Variants in SMCHD1 observed in about 807,000 individuals in gnomAD.
SMCHD1 encodes the protein structural maintenance of chromosomes flexible hinge domain-containing protein 1.
In SMCHD1, 78 loss-of-function variants were observed where a neutral mutation model predicts 254.7. The observed-to-expected ratio is 0.31, with a 90% CI of 0.26 to 0.37. The LOEUF is 0.37. Among genes scored for constraint, SMCHD1 ranks in the 10% least tolerant of loss-of-function variants. The pLI is 1.00. For synonymous variants in SMCHD1, 766 were observed against 794.9 expected, an observed-to-expected ratio of 0.96 and a Z score of 0.61; for missense variants, 1,840 against 2,408.1, an observed-to-expected ratio of 0.76 and a Z score of 4.94.
rs753343881 is a variant in SMCHD1 at position 2,688,403 on chromosome 18, A to G, written c.648A>G (p.Ser216=). The G allele has an allele frequency of 4.3e-6, 7 of 1,610,024 alleles. No individual in the cohort carries two copies. Among genetic ancestry groups the G allele is most frequent in the Non-Finnish European group, 6.0e-6 (7 of 1,176,410 alleles). ...TRQGDFESDH[S]GYVRPVPVPR... is the part of the protein sequence containing the mutation. ...TAATGTTTTATTTTAGTGATCATTCAGGATATGTTCGTCCAGTACCAGTGC... is the reference window on the plus strand; with the variant it reads ...TAATGTTTTATTTTAGTGATCATTCGGGATATGTTCGTCCAGTACCAGTGC... The change falls in exon 6 of 48, where the codon TCA becomes TCG. Residue 216 remains serine (S), a synonymous_variant. Coordinates refer to ENST00000320876, the MANE Select transcript of SMCHD1 (RefSeq NM_015295.3).
intron 29 of SMCHD1, among the ~76,000 whole-genome samples, chr18:2,745,970 T>A (rs10468643): frequency 0.3 from 45,259 of 151,934 alleles, 6,946 homozygotes; most frequent in East Asian, 0.5. Flanking sequence ...TATAATACAT[T>A]AACATGATGA....
At chr18:2,720,339 T>G (rs970577146) in intron 19 of SMCHD1, among the ~76,000 whole-genome samples, 12 of 152,222 alleles carry the variant, frequency 7.9e-5, no homozygotes, top group African/African-American at 2.9e-4. Flanking sequence ...TGTTAAACAA[T>G]TCCTTAAGCA....
At chr18:2,663,485 T>G (rs1035229294) in intron 1 of SMCHD1, among the ~76,000 whole-genome samples, 1 of 152,212 alleles carries the variant, frequency 6.6e-6, no homozygotes, top group African/African-American at 2.4e-5. Context: ...TTTACAATTT[T>G]GGGCTAATGT....
chr18:2,707,801 T>C lies in SMCHD1; in HGVS notation c.2147-6T>C. The C allele has an allele frequency of 2.5e-6, 4 of 1,588,544 alleles. No individual in the cohort carries two copies. The highest frequency in any genetic ancestry group is 3.4e-6 in the Non-Finnish European group (4 of 1,169,688). ...AATTAAGATACTTTTAATTTTTGACTCATAGGTGCGTTAAGAATTGAAATA... is the reference window on the plus strand; with the variant it reads ...AATTAAGATACTTTTAATTTTTGACCCATAGGTGCGTTAAGAATTGAAATA... On this transcript the variant is annotated splice_region_variant and splice_polypyrimidine_tract_variant and intron_variant, in intron 16 of 47. Coordinates refer to ENST00000320876, the MANE Select transcript of SMCHD1 (RefSeq NM_015295.3).
At chr18:2,793,157 C>T (rs915756158) in intron 45 of SMCHD1, among the ~76,000 whole-genome samples, 2 of 152,192 alleles carry the variant, frequency 1.3e-5, no homozygotes, top group Non-Finnish European at 2.9e-5. Context: ...ATAAATCCTT[C>T]AGTGGTGAGA....
intron 41 of SMCHD1, among the ~76,000 whole-genome samples, chr18:2,774,318 AC>A (rs1321965201): frequency 3.9e-5 from 6 of 152,102 alleles, no homozygotes; most frequent in African/African-American, 1.4e-4. Context: ...ATTTTCGTTT[AC>A]ATGTACTAGT....
At chr18:2,658,945 T>C (rs1049290689) in intron 1 of SMCHD1, among the ~76,000 whole-genome samples, 26 of 151,234 alleles carry the variant, frequency 1.7e-4, no homozygotes, top group South Asian at 8.3e-4. Context: ...CACATATATA[T>C]ACACACACAT....
At chr18:2,775,114 G>C (rs2076046768) in intron 41 of SMCHD1, among the ~76,000 whole-genome samples, 1 of 104,162 alleles carries the variant, frequency 9.6e-6, no homozygotes, top group Non-Finnish European at 1.8e-5. Flanking sequence ...ACAGGGTCTT[G>C]CTCTGTCAGA....
At chr18:2,796,770 A>T (rs2076271784) in intron 47 of SMCHD1, 1 of 403,256 alleles carries the variant, frequency 2.5e-6, no homozygotes. Context: ...TTTTGTAGAG[A>T]TGGGGTTTCA....
chr18:2,757,996 A>C (rs2075714895), intron 34 of SMCHD1, among the ~76,000 whole-genome samples: 1 of 152,114 alleles, frequency 6.6e-6, no homozygotes, highest in South Asian at 2.1e-4. Flanking sequence ...AACTTTCCCT[A>C]TGAATGACAT....
chr18:2,731,558 C>G (rs574312409), intron 24 of SMCHD1, among the ~76,000 whole-genome samples: 2 of 152,250 alleles, frequency 1.3e-5, no homozygotes, highest in East Asian at 3.9e-4. Flanking sequence ...TTAATGTAAT[C>G]TGTTACCATT....
chr18:2,766,786 C>G (rs1361663299), intron 37 of SMCHD1, among the ~76,000 whole-genome samples: 2 of 152,152 alleles, frequency 1.3e-5, no homozygotes, highest in African/African-American at 4.8e-5. Flanking sequence ...TTGTTTGTTT[C>G]TCATATGCCA....
rs536880103 is a variant in SMCHD1, at chr18:2,655,782, G to A, written c.-294G>A. On this transcript the variant is annotated 5_prime_UTR_variant, in exon 1 of 48. Transcript: ENST00000320876. ...GCACCGTGAGGCTCGCGTGGGCGGC[G>A]ATAGGCGCTGGGCCCGGGCCCGGTG... The A allele has an allele frequency of 1.6e-4, 43 of 268,404 alleles. No individual in the cohort carries two copies. In the South Asian group the frequency reaches 2.0e-3, roughly 13 times the overall value. 16.6% of individuals were successfully genotyped at this position (268,404 alleles called of 1,614,324 possible).
At chr18:2,756,908 A>G (rs1568321015) in intron 34 of SMCHD1, among the ~76,000 whole-genome samples, 1 of 151,952 alleles carries the variant, frequency 6.6e-6, no homozygotes, top group Non-Finnish European at 1.5e-5. Context: ...CACTATTTGT[A>G]CTCTCTTGTG....
intron 19 of SMCHD1, among the ~76,000 whole-genome samples, chr18:2,720,361 C>G (rs1162179336): frequency 6.6e-6 from 1 of 152,208 alleles, no homozygotes; most frequent in East Asian, 1.9e-4. Flanking sequence ...TCTCTTCCTA[C>G]TTCATGAATT....
intron 5 of SMCHD1, 22 bp from the exon 6 acceptor site, chr18:2,688,372 C>A: frequency 2.6e-6 from 4 of 1,526,572 alleles, no homozygotes; most frequent in Non-Finnish European, 3.6e-6. Context: ...TTTAAAATCA[C>A]TGCATTAATG....
intron 17 of SMCHD1, among the ~76,000 whole-genome samples, chr18:2,709,242 A>C (rs1419417343): frequency 9.6e-6 from 1 of 103,816 alleles, no homozygotes; most frequent in Non-Finnish European, 2.2e-5. Flanking sequence ...GTATATATAT[A>C]TATATATACA....
At position 2,666,724 on chromosome 18, in the gene SMCHD1, T is replaced by C. The variant is rs987513101; in HGVS notation, c.263-146T>C. 12 of 578,566 alleles carry C rather than the reference T, an allele frequency of 2.1e-5. No individual in the cohort carries two copies. The East Asian group carries it at 3.2e-4, about 15-fold the overall frequency. 35.8% of individuals were successfully genotyped at this position (578,566 alleles called of 1,614,324 possible). A position where few individuals can be genotyped will look rare whatever the true frequency, so the allele number is the denominator to read the frequency against. On this transcript the variant is annotated intron_variant, in intron 2 of 47. Coordinates refer to ENST00000320876, the MANE Select transcript of SMCHD1 (RefSeq NM_015295.3). The stretch of plus-strand genomic sequence containing the variant: ...GCTTGTTTCATTAATATCCTTAACA[T>C]GACTTTGCTTACAGGTAGATGATTG...
At chr18:2,797,989 T>C (rs1471555868) in intron 47 of SMCHD1, among the ~76,000 whole-genome samples, 1 of 152,054 alleles carries the variant, frequency 6.6e-6, no homozygotes, top group Non-Finnish European at 1.5e-5. Flanking sequence ...ACAATATCAG[T>C]TGTCTGGAGA....
Sources: gnomAD v4.1 joint callset for allele counts (sites outside exome capture counted in the v4.1 genomes callset) on GRCh38, gnomAD v4.1.1 for gene constraint, MANE v1.5 for transcripts, NCBI Gene and HGNC (gene_info 2026-07-23, HGNC 2026-07-21) for gene names.